The following TYW1 variants were observed in gnomAD, a reference collection of about 807,000 sequenced individuals.
The protein encoded by TYW1 is S-adenosyl-L-methionine-dependent tRNA 4-demethylwyosine synthase TYW1.
In TYW1, 46 loss-of-function variants were observed where a neutral mutation model predicts 96.2. The observed-to-expected ratio is 0.48, with a 90% CI of 0.38 to 0.61. The LOEUF (loss-of-function observed/expected upper bound fraction) is 0.61, where lower values mean the gene tolerates loss of function less well. Among genes scored for constraint, TYW1 ranks in the 20% least tolerant of loss-of-function variants. The pLI is 0.00. For synonymous variants in TYW1, 274 were observed against 323.0 expected (o/e 0.85, Z 1.63); for missense variants, 684 against 909.6 (o/e 0.75, Z 3.19).
intron 13 of TYW1, among the ~76,000 whole-genome samples, chr7:67,169,745 G>A (rs1009706075): frequency 6.6e-6 from 1 of 152,152 alleles, no homozygotes; most frequent in Non-Finnish European, 1.5e-5. Flanking sequence ...GGATGGATAT[G>A]TACTATATTT....
intron 7 of TYW1, among the ~76,000 whole-genome samples, chr7:67,030,824 G>T (rs1204198661): frequency 6.6e-6 from 1 of 151,842 alleles, no homozygotes; most frequent in African/African-American, 2.4e-5. Flanking sequence ...CAACTCGAAG[G>T]GTTTCTTACA....
At chr7:67,221,486 C>T (rs187326392) in intron 15 of TYW1, among the ~76,000 whole-genome samples, 9 of 152,158 alleles carry the variant, frequency 5.9e-5, no homozygotes, top group Non-Finnish European at 7.3e-5. Context: ...TAATATTCAT[C>T]GAAAATAATG....
intron 12 of TYW1, among the ~76,000 whole-genome samples, chr7:67,102,641 G>A (rs12154644): frequency 0.024 from 3,676 of 152,072 alleles, 68 homozygotes; most frequent in South Asian, 0.081. Flanking sequence ...AGGAAATAGA[G>A]GTTACACTTT....
intron 13 of TYW1, among the ~76,000 whole-genome samples, chr7:67,142,055 A>G (rs1463490407): frequency 6.6e-6 from 1 of 152,152 alleles, no homozygotes; most frequent in Non-Finnish European, 1.5e-5. Flanking sequence ...TAACACATGA[A>G]AACTCTGAAT....
intron 10 of TYW1, among the ~76,000 whole-genome samples, chr7:67,068,883 C>T (rs554322041): frequency 1.7e-3 from 262 of 152,248 alleles, no homozygotes; most frequent in African/African-American, 5.9e-3. Flanking sequence ...GCACTATTAG[C>T]CATCTAATGG....
intron 10 of TYW1, among the ~76,000 whole-genome samples, chr7:67,073,084 C>A (rs1490543132): frequency 6.6e-6 from 1 of 151,678 alleles, no homozygotes; most frequent in Non-Finnish European, 1.5e-5. Context: ...ATACCATATT[C>A]TTTTACTTGT....
At chr7:67,124,405 T>A (rs1195426671) in intron 13 of TYW1, among the ~76,000 whole-genome samples, 1 of 151,162 alleles carries the variant, frequency 6.6e-6, no homozygotes, top group African/African-American at 2.4e-5. Flanking sequence ...GCTAAAAATA[T>A]TTTTTTTTGA....
chr7:67,237,830 A>G (rs1801942204), intron 15 of TYW1, among the ~76,000 whole-genome samples: 2 of 152,150 alleles, frequency 1.3e-5, no homozygotes, highest in Non-Finnish European at 2.9e-5. Context: ...AGCTAGTTTG[A>G]GTCATTTAGT....
chr7:67,116,333 A>AAAAAAAAG (rs1554368057), intron 12 of TYW1, among the ~76,000 whole-genome samples: 1 of 150,298 alleles, frequency 6.7e-6, no homozygotes, highest in Non-Finnish European at 1.5e-5. Context: ...TCAAAAAAAA[A>AAAAAAAAG]AAAAGAAAAG....
chr7:67,061,112 C>T (rs1452690948), intron 9 of TYW1, among the ~76,000 whole-genome samples: 2 of 152,106 alleles, frequency 1.3e-5, no homozygotes, highest in Non-Finnish European at 2.9e-5. Flanking sequence ...CCTGTAGTCT[C>T]AGCTACTCGG....
At chr7:67,089,333 C>G (rs1386479969) in intron 11 of TYW1, 1 of 1,281,454 alleles carries the variant, frequency 7.8e-7, no homozygotes, top group East Asian at 2.3e-5. Flanking sequence ...GGGCCCTTCT[C>G]GAGGTGGCGG....
chr7:67,176,793 A>G (rs1251299207), intron 13 of TYW1, among the ~76,000 whole-genome samples: 2 of 152,160 alleles, frequency 1.3e-5, no homozygotes, highest in South Asian at 2.1e-4. Context: ...GGATTTTTCA[A>G]CATTGGCACC....
At chr7:67,192,296 C>T (rs917185040) in intron 14 of TYW1, among the ~76,000 whole-genome samples, 5 of 152,122 alleles carry the variant, frequency 3.3e-5, no homozygotes, top group African/African-American at 4.8e-5. Flanking sequence ...GATAATGAAC[C>T]GCAGCAGGCA....
At chr7:67,130,069 G>A (rs921592747) in intron 13 of TYW1, among the ~76,000 whole-genome samples, 1 of 151,580 alleles carries the variant, frequency 6.6e-6, no homozygotes. Context: ...TGTTAACAGA[G>A]TGTCATATCT....
At position 67,017,982 on chromosome 7, in the gene TYW1, A is replaced by G; in HGVS notation, c.700A>G (p.Thr234Ala). 1 of 1,614,152 alleles carries G rather than the reference A, an allele frequency of 6.2e-7. No individual in the cohort carries two copies. Among genetic ancestry groups the G allele is most frequent in the Non-Finnish European group, 8.5e-7 (1 of 1,180,026 alleles). ...TGAGGCCGACTTCAGAGCATGGAAG[A>G]CCAAGTTCATCTCCCAGCTGCAGGC... ...SIEADFRAWK[T>A]KFISQLQALQ... The change falls in exon 6 of 16, where the codon ACC becomes GCC. Residue 234 changes from threonine (T) to alanine (A), a missense_variant. By Grantham distance (58) the Thr-to-Ala change is moderately conservative. Coordinates refer to ENST00000359626, the MANE Select transcript of TYW1 (RefSeq NM_018264.4).
chr7:67,116,685 T>G (rs1797605105), intron 12 of TYW1, among the ~76,000 whole-genome samples: 1 of 152,002 alleles, frequency 6.6e-6, no homozygotes, highest in Non-Finnish European at 1.5e-5. Flanking sequence ...AGATCCTGTC[T>G]GGGGATTGGG....
chr7:67,138,293 T>C (rs1187377898), intron 13 of TYW1, among the ~76,000 whole-genome samples: 2 of 152,188 alleles, frequency 1.3e-5, no homozygotes, highest in Non-Finnish European at 2.9e-5. Context: ...ATAATAACTC[T>C]ATGAAGGAGG....
intron 13 of TYW1, among the ~76,000 whole-genome samples, chr7:67,165,707 C>T (rs1443617316): frequency 1.3e-5 from 2 of 152,108 alleles, no homozygotes; most frequent in Non-Finnish European, 2.9e-5. Context: ...GCAGGCAGAT[C>T]GCTTGAGCTC....
At chr7:67,086,978 TC>T (rs1297498136) in intron 11 of TYW1, among the ~76,000 whole-genome samples, 3 of 152,158 alleles carry the variant, frequency 2.0e-5, no homozygotes, top group African/African-American at 7.2e-5. Flanking sequence ...TTCCTGGACA[TC>T]CTGGAGTCTC....
Sources: allele counts gnomAD v4.1 joint callset (sites outside exome capture counted in the v4.1 genomes callset), GRCh38; gene constraint gnomAD v4.1.1; transcripts MANE v1.5; gene names NCBI Gene and HGNC (gene_info 2026-07-23, HGNC 2026-07-21).